The following KIAA0825 variants were observed in gnomAD, a reference collection of about 807,000 sequenced individuals.
KIAA0825 encodes uncharacterized protein KIAA0825.
Under a neutral mutation model 147.6 loss-of-function variants are expected in KIAA0825, and 119 were observed. The observed-to-expected ratio is 0.81, with a 90% CI of 0.69 to 0.94. The LOEUF (loss-of-function observed/expected upper bound fraction) is 0.94, where lower values mean the gene tolerates loss of function less well. Ranked by LOEUF, KIAA0825 falls within the 40% of genes least tolerant of loss-of-function variation. The pLI is 0.00. For synonymous variants in KIAA0825, 470 were observed against 518.1 expected (o/e 0.91, Z 1.26); for missense variants, 1,381 against 1,472.7 (o/e 0.94, Z 1.02).
intron 20 of KIAA0825, among the ~76,000 whole-genome samples, chr5:94,335,796 A>G (rs938423372): frequency 2.6e-5 from 4 of 152,196 alleles, no homozygotes; most frequent in Non-Finnish European, 5.9e-5. Context: ...TCAGTTTTAG[A>G]TAACTAAGAA....
intron 4 of KIAA0825, 38 bp from the exon 5 acceptor site, chr5:94,520,955 A>G: frequency 2.1e-6 from 3 of 1,412,142 alleles, no homozygotes; most frequent in Non-Finnish European, 2.8e-6. Context: ...GATTAAGTGC[A>G]ATAGAAAAAA....
intron 2 of KIAA0825, among the ~76,000 whole-genome samples, chr5:94,546,702 A>G (rs1328563529): frequency 1.3e-5 from 2 of 151,170 alleles, no homozygotes; most frequent in Admixed American, 1.3e-4. Context: ...CCCTTCAAAT[A>G]CCTGGAAAGC....
chr5:94,529,369 G>A (rs62364618), intron 3 of KIAA0825, among the ~76,000 whole-genome samples: 1,866 of 115,344 alleles, frequency 0.016, 34 homozygotes, highest in Non-Finnish European at 0.025. Flanking sequence ...TATCATATAT[G>A]TATATATCTC....
intron 20 of KIAA0825, among the ~76,000 whole-genome samples, chr5:94,263,203 C>A (rs1223105395): frequency 6.6e-6 from 1 of 152,146 alleles, no homozygotes; most frequent in South Asian, 2.1e-4. Flanking sequence ...TACTGGTTTT[C>A]TAAATCTAGA....
At chr5:94,156,459 G>C (rs1583690761) in intron 20 of KIAA0825, among the ~76,000 whole-genome samples, 3 of 152,276 alleles carry the variant, frequency 2.0e-5, no homozygotes, top group South Asian at 2.1e-4. Context: ...CTGAGTAAAT[G>C]AATTATTTTA....
intron 1 of KIAA0825, chr5:94,592,632 G>A (rs11540697): frequency 4.9e-6 from 1 of 203,044 alleles, no homozygotes; most frequent in African/African-American, 2.4e-5. Context: ...TGCTGAAGCT[G>A]TACATTGGAA....
In KIAA0825 at chr5:94,520,161, G is replaced by T. The variant is rs562344312; in HGVS notation, c.970+87C>A. The T allele has an allele frequency of 4.0e-4, 546 of 1,371,100 alleles. 5 individuals carry two copies. The South Asian group carries it at 4.8e-3, about 12-fold the overall frequency. 84.9% of individuals were successfully genotyped at this position (1,371,100 alleles called of 1,614,324 possible). A position where few individuals can be genotyped will look rare whatever the true frequency, so the allele number is the denominator to read the frequency against. ...TTTCTAATTTTCATGTTTGCAGTGA[G>T]ATTTAACCAAATAGAAAACATCTTA... is the stretch of plus-strand genomic sequence containing the variant. On this transcript the variant is annotated intron_variant, in intron 5 of 20. Coordinates refer to ENST00000682413, the MANE Select transcript of KIAA0825 (RefSeq NM_001145678.3).
chr5:94,393,984 T>C (rs1437443961), intron 17 of KIAA0825, among the ~76,000 whole-genome samples: 1 of 151,948 alleles, frequency 6.6e-6, no homozygotes, highest in Non-Finnish European at 1.5e-5. Flanking sequence ...TCAGCTGGGA[T>C]TACAGGTGCC....
At chr5:94,496,375 G>A (rs76153079) in intron 5 of KIAA0825, among the ~76,000 whole-genome samples, 2,147 of 152,190 alleles carry the variant, frequency 0.014, 57 homozygotes, top group African/African-American at 0.048. Flanking sequence ...CTACCTTATG[G>A]GCTGCAAAGC....
chr5:94,570,705 C>T (rs1006830423), intron 2 of KIAA0825: 4 of 152,278 alleles, frequency 2.6e-5, no homozygotes, highest in Non-Finnish European at 5.9e-5. Flanking sequence ...AACCAATACA[C>T]CGGTCTTGTA....
chr5:94,271,393 T>C (rs1776976514), intron 20 of KIAA0825, among the ~76,000 whole-genome samples: 1 of 151,994 alleles, frequency 6.6e-6, no homozygotes, highest in African/African-American at 2.4e-5. Flanking sequence ...CCAGAATATA[T>C]AAGGAGCTCA....
In KIAA0825 at chr5:94,520,494, G is replaced by A; in HGVS notation, c.724C>T (p.His242Tyr). Residue 242 changes from histidine to tyrosine, a missense_variant, in exon 5 of 21, where the codon CAT becomes TAT. By Grantham distance (83) the His-to-Tyr change is moderately conservative (BLOSUM62 2). Transcript: ENST00000682413. ...NRDSNLDVIA[H>Y]GYQSTMLKLY... ...TTAAGCATTGTACTTTGATATCCAT[G>A]AGCTATTACATCTAAATTTGAATCT... 1 of 1,612,834 alleles carries A rather than the reference G, an allele frequency of 6.2e-7. No homozygotes were observed. Among genetic ancestry groups the A allele is most frequent in the South Asian group, 1.1e-5 (1 of 91,024 alleles).
intron 20 of KIAA0825, among the ~76,000 whole-genome samples, chr5:94,380,691 G>C (rs757333239): frequency 1.1e-4 from 16 of 152,226 alleles, no homozygotes; most frequent in Non-Finnish European, 1.8e-4. Context: ...GTCTCAGATG[G>C]ACAAGATGGC....
intron 5 of KIAA0825, chr5:94,519,603 C>A (rs1312575613): frequency 1.7e-6 from 1 of 594,822 alleles, no homozygotes; most frequent in Non-Finnish European, 2.1e-6. Flanking sequence ...TTAAAAATAG[C>A]TATAGTAAAA....
chr5:94,460,712 C>T (rs1351531583), intron 12 of KIAA0825, among the ~76,000 whole-genome samples: 1 of 151,968 alleles, frequency 6.6e-6, no homozygotes, highest in Admixed American at 6.6e-5. Context: ...GTTCTTGCAA[C>T]ACACAAATAT....
chr5:94,571,045 G>A (rs1394872011), intron 2 of KIAA0825, among the ~76,000 whole-genome samples: 1 of 152,108 alleles, frequency 6.6e-6, no homozygotes, highest in Non-Finnish European at 1.5e-5. Context: ...ACTTGGATTG[G>A]TAGAATATTG....
chr5:94,377,693 C>T (rs73142958), intron 20 of KIAA0825, among the ~76,000 whole-genome samples: 3,705 of 152,198 alleles, frequency 0.024, 158 homozygotes, highest in African/African-American at 0.085. Flanking sequence ...TGTTGATTTT[C>T]TGAAACTCTA....
Position 94,469,028 on chromosome 5 carries a change from G to A in KIAA0825, c.1872+933C>T, listed in dbSNP as rs561509888. Among the ~76,000 whole-genome samples the A allele has an allele frequency of 9.2e-5, 14 of 152,280 alleles. No individual in the cohort carries two copies. The South Asian group carries it at 2.9e-3, about 32-fold the overall frequency. The stretch of plus-strand genomic sequence containing the variant: ...TCTGCACATAATCAATGAGATTTAG[G>A]TGAAGGGAAACTAATGAAGCTTGAT... On this transcript the variant is annotated intron_variant, in intron 10 of 20. Coordinates refer to ENST00000682413, the MANE Select transcript of KIAA0825 (RefSeq NM_001145678.3).
Position 94,471,457 on chromosome 5 carries a change from A to G in KIAA0825, c.1721+9T>C, listed in dbSNP as rs1365222194. ...GCGTGGCCATCATCTTAATTTAAAC[A>G]ACACTCACTTTTTAGTCATTTCCTT... On this transcript the variant is annotated intron_variant, in intron 9 of 20. Transcript: ENST00000682413. 8 of 1,550,708 alleles carry G rather than the reference A, an allele frequency of 5.2e-6. No homozygotes were observed. The highest frequency in any genetic ancestry group is 2.0e-5 in the Admixed American group (1 of 50,946).
Sources: gnomAD v4.1 joint callset for allele counts (sites outside exome capture counted in the v4.1 genomes callset) on GRCh38, gnomAD v4.1.1 for gene constraint, MANE v1.5 for transcripts, NCBI Gene and HGNC (gene_info 2026-07-23, HGNC 2026-07-21) for gene names.